The following ZNF536 variants were observed in gnomAD, a reference collection of about 807,000 sequenced individuals.
ZNF536 encodes the protein zinc finger protein 536.
A neutral mutation model predicts 84.5 loss-of-function variants in ZNF536; 13 were observed. That is an observed-to-expected ratio of 0.15 (90% CI 0.10 to 0.24). The LOEUF is 0.24. Among genes scored for constraint, ZNF536 ranks in the 10% least tolerant of loss-of-function variants. The pLI is 1.00. For missense variants in ZNF536, 1,536 were observed against 1,747.5 expected, an observed-to-expected ratio of 0.88 and a Z score of 2.16; for synonymous variants, 811 against 742.5, an observed-to-expected ratio of 1.09 and a Z score of -1.50.
At chr19:30,383,685 TTC>T (rs1415018368) in intron 1 of ZNF536, among the ~76,000 whole-genome samples, 616 of 14,202 alleles carry the variant, frequency 0.043, 43 homozygotes, top group African/African-American at 0.09. Flanking sequence ...CCTTTCTTCC[TTC>T]CTTTCTTTTC....
At chr19:30,524,207 G>T (rs900404572) in intron 2 of ZNF536, among the ~76,000 whole-genome samples, 2 of 152,200 alleles carry the variant, frequency 1.3e-5, no homozygotes, top group Admixed American at 1.3e-4. Flanking sequence ...CCTGGGAGAG[G>T]TAATTGTTTA....
Position 30,693,989 on chromosome 19 carries a change from C to A in ZNF536, c.170-16768C>A, listed in dbSNP as rs924835604. Among the ~76,000 whole-genome samples the A allele has an allele frequency of 4.6e-5, 7 of 152,328 alleles. No homozygotes were observed. The South Asian group carries it at 6.2e-4, about 14-fold the overall frequency. ...CTGCTCTGCAACCCATATGGCCCCC[C>A]CAACCCACTGTAGGAAATGCACTAA... is the stretch of plus-strand genomic sequence containing the variant. On this transcript the variant is annotated intron_variant, in intron 1 of 1. Coordinates refer to the ZNF536 transcript ENST00000592773.
intron 2 of ZNF536, among the ~76,000 whole-genome samples, chr19:30,339,400 G>A (rs548879562): frequency 6.6e-6 from 1 of 152,190 alleles, no homozygotes; most frequent in Non-Finnish European, 1.5e-5. Context: ...GACCCCACCC[G>A]AGGAGCCTCT....
intron 1 of ZNF536, among the ~76,000 whole-genome samples, chr19:30,383,735 CT>C (rs1209187118): frequency 0.011 from 73 of 6,798 alleles, 12 homozygotes; most frequent in African/African-American, 0.031. Context: ...TTCTTTCTTT[CT>C]TTCTTTCTCT....
intron 3 of ZNF536, among the ~76,000 whole-genome samples, chr19:30,363,872 A>G (rs1568360971): frequency 6.6e-6 from 1 of 152,146 alleles, no homozygotes. Flanking sequence ...GGAGAAGGCA[A>G]GAGAGAAGCT....
chr19:30,433,585 C>T (rs1044707497), intron 1 of ZNF536, among the ~76,000 whole-genome samples: 4 of 152,188 alleles, frequency 2.6e-5, no homozygotes, highest in African/African-American at 9.7e-5. Flanking sequence ...ACAACCTCCG[C>T]CTCCTAGGTT....
intron 2 of ZNF536, among the ~76,000 whole-genome samples, chr19:30,348,809 CTTTTCTTTTTT>C (rs1212582377): frequency 5.6e-5 from 6 of 106,580 alleles, no homozygotes; most frequent in Admixed American, 4.6e-4. Flanking sequence ...CTTTTTTTTT[CTTTTCTTTTTT>C]TTTTTTTATT....
intron 2 of ZNF536, among the ~76,000 whole-genome samples, chr19:30,348,372 T>A (rs2047816290): frequency 6.6e-6 from 1 of 152,178 alleles, no homozygotes; most frequent in Non-Finnish European, 1.5e-5. Flanking sequence ...CTAAGAGGCA[T>A]TTTTTTGTGG....
rs544734637 is a variant in ZNF536, at chr19:30,359,313, G to A, written c.-3+6829G>A. ...GAGGGCTCTCTGCAAGGAGTGGCCA[G>A]TGCGGCCCTGAGCTGCCCCCGGGAC... On this transcript the variant is annotated intron_variant, in intron 3 of 5. Transcript: ENST00000585628. Among the ~76,000 whole-genome samples, 10 of 152,210 alleles carry A rather than the reference G, an allele frequency of 6.6e-5. No individual in the cohort carries two copies. The South Asian group carries it at 2.1e-3, about 31-fold the overall frequency.
intron 1 of ZNF536, among the ~76,000 whole-genome samples, chr19:30,272,057 G>A (rs535345941): frequency 7.9e-5 from 12 of 152,224 alleles, no homozygotes; most frequent in East Asian, 1.9e-4. Context: ...GAGAAGTGGC[G>A]GCCAGAAGGC....
intron 1 of ZNF536, among the ~76,000 whole-genome samples, chr19:30,661,544 T>A (rs1463158102): frequency 1.3e-5 from 2 of 152,212 alleles, no homozygotes; most frequent in African/African-American, 4.8e-5. Flanking sequence ...ATAAAATGTG[T>A]GTTCCCTCTC....
At chr19:30,682,591 T>C (rs1384837061) in intron 1 of ZNF536, among the ~76,000 whole-genome samples, 1 of 152,142 alleles carries the variant, frequency 6.6e-6, no homozygotes, top group Non-Finnish European at 1.5e-5. Flanking sequence ...ATGGGCATAA[T>C]ATTAAGTAAC....
intron 2 of ZNF536, among the ~76,000 whole-genome samples, chr19:30,327,320 G>T (rs1035141367): frequency 1.3e-5 from 2 of 152,108 alleles, no homozygotes; most frequent in African/African-American, 2.4e-5. Flanking sequence ...TTGAATGACT[G>T]AGGTCTGACT....
chr19:30,578,576 A>G (rs1473795784), intron 1 of ZNF536, among the ~76,000 whole-genome samples: 1 of 152,242 alleles, frequency 6.6e-6, no homozygotes, highest in African/African-American at 2.4e-5. Flanking sequence ...CGACATGAGG[A>G]ATGAGCTCTT....
intron 1 of ZNF536, among the ~76,000 whole-genome samples, chr19:30,375,348 C>T (rs1253699305): frequency 1.3e-5 from 2 of 151,974 alleles, no homozygotes; most frequent in Non-Finnish European, 2.9e-5. Context: ...GCGCCGTCAC[C>T]GCGCCGGAGA....
chr19:30,599,791 T>C (rs1471854179), intron 1 of ZNF536, among the ~76,000 whole-genome samples: 1 of 152,202 alleles, frequency 6.6e-6, no homozygotes, highest in Non-Finnish European at 1.5e-5. Flanking sequence ...TGTCTAGGTT[T>C]TCCCTGGCAA....
chr19:30,670,010 C>T (rs900498946), intron 1 of ZNF536, among the ~76,000 whole-genome samples: 7 of 152,190 alleles, frequency 4.6e-5, no homozygotes, highest in African/African-American at 7.2e-5. Context: ...ATCTGCCTCT[C>T]TCCAAAGCAG....
intron 2 of ZNF536, among the ~76,000 whole-genome samples, chr19:30,345,246 C>CA (rs2047703684): frequency 6.6e-6 from 1 of 152,026 alleles, no homozygotes; most frequent in Non-Finnish European, 1.5e-5. Flanking sequence ...CGGGGGCTCC[C>CA]CCCAGCATGA....
intron 2 of ZNF536, among the ~76,000 whole-genome samples, chr19:30,288,233 C>T (rs1484336207): frequency 2.6e-5 from 4 of 152,120 alleles, no homozygotes; most frequent in Non-Finnish European, 5.9e-5. Context: ...GACTTCCTGC[C>T]CACGTGACTG....
Sources: allele counts gnomAD v4.1 joint callset (sites outside exome capture counted in the v4.1 genomes callset), GRCh38; gene constraint gnomAD v4.1.1; transcripts MANE v1.5; gene names NCBI Gene and HGNC (gene_info 2026-07-23, HGNC 2026-07-21).